The following KLHL1 variants were observed in gnomAD, a reference collection of about 807,000 sequenced individuals.
The protein encoded by KLHL1 is kelch-like protein 1.
KLHL1 carries 47 observed loss-of-function variants against 77.7 expected under a neutral mutation model. The ratio of observed to expected loss-of-function variants is 0.60; its 90% CI spans 0.48 to 0.77. The LOEUF (loss-of-function observed/expected upper bound fraction) is 0.77. KLHL1 is among the 30% of genes least tolerant of loss of function. The pLI is 0.00. For synonymous variants in KLHL1, 360 were observed against 325.2 expected, an observed-to-expected ratio of 1.11 and a Z score of -1.15; for missense variants, 925 against 910.8, an observed-to-expected ratio of 1.02 and a Z score of -0.20.
chr13:69,884,574 G>A (rs1056396356), intron 4 of KLHL1, among the ~76,000 whole-genome samples: 1 of 152,042 alleles, frequency 6.6e-6, no homozygotes, highest in African/African-American at 2.4e-5. Context: ...TCAAAATATA[G>A]TGAGGGATGT....
chr13:70,104,471 T>TCTA (rs1206473757), intron 1 of KLHL1, among the ~76,000 whole-genome samples: 1 of 152,150 alleles, frequency 6.6e-6, no homozygotes, highest in Non-Finnish European at 1.5e-5. Context: ...CATCTGCTGT[T>TCTA]CTAACCGGTT....
chr13:70,069,778 T>G (rs1451201206), intron 1 of KLHL1, among the ~76,000 whole-genome samples: 3 of 151,858 alleles, frequency 2.0e-5, no homozygotes, highest in African/African-American at 7.3e-5. Flanking sequence ...CAGACTAAAA[T>G]GAAAAGATTT....
intron 1 of KLHL1, among the ~76,000 whole-genome samples, chr13:70,013,701 A>T (rs1885591382): frequency 6.6e-6 from 1 of 152,146 alleles, no homozygotes; most frequent in African/African-American, 2.4e-5. Context: ...AATATTTGAG[A>T]GCTGTTCAAA....
At chr13:69,855,859 A>T (rs1593891603) in intron 5 of KLHL1, among the ~76,000 whole-genome samples, 1 of 126,664 alleles carries the variant, frequency 7.9e-6, no homozygotes, top group Non-Finnish European at 1.7e-5. Flanking sequence ...TATGTTATAT[A>T]ATATATTATA....
chr13:69,792,955 G>A (rs1243042319), intron 7 of KLHL1, among the ~76,000 whole-genome samples: 1 of 152,006 alleles, frequency 6.6e-6, no homozygotes, highest in African/African-American at 2.4e-5. Flanking sequence ...ATTTGCTAGT[G>A]GTGATGTCTG....
At chr13:69,930,880 T>C (rs111285218) in intron 4 of KLHL1, among the ~76,000 whole-genome samples, 8 of 151,682 alleles carry the variant, frequency 5.3e-5, no homozygotes, top group Non-Finnish European at 8.9e-5. Context: ...TATGTAAATT[T>C]ATGCATATAT....
intron 1 of KLHL1, among the ~76,000 whole-genome samples, chr13:70,065,064 A>G (rs1033257005): frequency 2.6e-5 from 4 of 152,152 alleles, no homozygotes; most frequent in Admixed American, 2.6e-4. Context: ...ATAGGTCATA[A>G]TCTTATCATC....
At chr13:69,811,102 T>G (rs1158296743) in intron 6 of KLHL1, among the ~76,000 whole-genome samples, 1 of 151,984 alleles carries the variant, frequency 6.6e-6, no homozygotes, top group African/African-American at 2.4e-5. Context: ...GAGGGGGGCC[T>G]CCTCCCTAAC....
At chr13:69,997,779 ATATAT>A (rs1885194799) in intron 1 of KLHL1, among the ~76,000 whole-genome samples, 1 of 148,168 alleles carries the variant, frequency 6.7e-6, no homozygotes, top group South Asian at 2.1e-4. Context: ...GTATAATATA[ATATAT>A]AATATGTATT....
rs199637580 is a variant in KLHL1, at chr13:69,840,684, T to TTATA, written c.1228-1526_1228-1523dup. ...CGCACTTTTATTTTGAACATTAACT[T>TTATA]TATATATATATATATATGTATGTAT... On this transcript the variant is annotated intron_variant, in intron 5 of 10. Coordinates refer to ENST00000377844, the MANE Select transcript of KLHL1 (RefSeq NM_020866.3). Among the ~76,000 whole-genome samples, 801 of 145,076 alleles carry TTATA rather than the reference T, an allele frequency of 5.5e-3. 14 individuals carry two copies. The highest frequency in any genetic ancestry group is 0.018 in the African/African-American group (704 of 38,098).
chr13:69,874,431 T>A (rs1437719599), intron 5 of KLHL1, among the ~76,000 whole-genome samples: 1 of 152,172 alleles, frequency 6.6e-6, no homozygotes, highest in African/African-American at 2.4e-5. Context: ...GACTATCTAC[T>A]CAATATCTCC....
At chr13:70,057,162 C>A (rs1886762161) in intron 1 of KLHL1, among the ~76,000 whole-genome samples, 1 of 151,934 alleles carries the variant, frequency 6.6e-6, no homozygotes, top group Non-Finnish European at 1.5e-5. Flanking sequence ...CAACTATATG[C>A]CAATAACTTT....
chr13:69,954,459 C>A (rs1230519803), intron 3 of KLHL1, among the ~76,000 whole-genome samples: 1 of 151,102 alleles, frequency 6.6e-6, no homozygotes. Flanking sequence ...AAAATGAAAA[C>A]AATTATAAGA....
intron 4 of KLHL1, among the ~76,000 whole-genome samples, chr13:69,899,757 T>C (rs1024040023): frequency 6.6e-6 from 1 of 152,042 alleles, no homozygotes; most frequent in African/African-American, 2.4e-5. Context: ...GATAACCAAA[T>C]GACAATACTG....
At chr13:70,018,887 G>A (rs952382968) in intron 1 of KLHL1, among the ~76,000 whole-genome samples, 3 of 152,248 alleles carry the variant, frequency 2.0e-5, no homozygotes, top group African/African-American at 7.2e-5. Context: ...AAGCCAAAAG[G>A]ACAGGAGGAA....
chr13:69,758,494 C>T (rs1874870746), intron 7 of KLHL1, among the ~76,000 whole-genome samples: 1 of 152,026 alleles, frequency 6.6e-6, no homozygotes, highest in Admixed American at 6.6e-5. Context: ...CTTTTTCTTA[C>T]ACAAAAATCA....
intron 1 of KLHL1, among the ~76,000 whole-genome samples, chr13:69,995,777 TG>T (rs1335295784): frequency 6.6e-6 from 1 of 152,122 alleles, no homozygotes; most frequent in East Asian, 1.9e-4. Context: ...TACCCTGGTG[TG>T]TTCCACCAGA....
chr13:69,775,860 T>A (rs1476777922), intron 7 of KLHL1, among the ~76,000 whole-genome samples: 2 of 151,784 alleles, frequency 1.3e-5, no homozygotes, highest in Middle Eastern at 3.2e-3. Context: ...TTTAAAAAAA[T>A]TATTATTCTA....
At chr13:69,798,419 G>A (rs1190480035) in intron 6 of KLHL1, among the ~76,000 whole-genome samples, 3 of 151,994 alleles carry the variant, frequency 2.0e-5, no homozygotes, top group African/African-American at 7.2e-5. Context: ...TTACTTAAAG[G>A]TAATAGCAAT....
Sources: gnomAD v4.1 joint callset for allele counts (sites outside exome capture counted in the v4.1 genomes callset) on GRCh38, gnomAD v4.1.1 for gene constraint, MANE v1.5 for transcripts, NCBI Gene and HGNC (gene_info 2026-07-23, HGNC 2026-07-21) for gene names.